Variants in BMP2K observed in about 807,000 individuals in gnomAD.
BMP2K encodes the protein BMP2 inducible kinase.
Under a neutral mutation model 116.0 loss-of-function variants are expected in BMP2K, and 74 were observed. That is an observed-to-expected ratio of 0.64 (90% CI 0.53 to 0.77). The LOEUF is 0.77. Ranked by LOEUF, BMP2K falls within the 30% of genes least tolerant of loss-of-function variation. The pLI is 0.00. For missense variants in BMP2K, 1,365 were observed against 1,403.6 expected (o/e 0.97, Z 0.44); for synonymous variants, 486 against 502.5 (o/e 0.97, Z 0.44).
At position 78,833,567 on chromosome 4, in the gene BMP2K, T is replaced by G; in HGVS notation, c.298-15T>G. The G allele has an allele frequency of 6.5e-7, 1 of 1,534,654 alleles. No homozygotes were observed. The highest frequency in any genetic ancestry group is 8.8e-7 in the Non-Finnish European group (1 of 1,133,162). ...ATGTACATTTTCCAGTTTTCATTTT[T>G]TTTTTTCTTTCCAGAAAGAGCTATC... is the stretch of plus-strand genomic sequence containing the variant. On this transcript the variant is annotated splice_polypyrimidine_tract_variant and intron_variant, in intron 2 of 15. Transcript: ENST00000502613.
chr4:78,787,536 A>ATCTT (rs1324078561), intron 1 of BMP2K, among the ~76,000 whole-genome samples: 1 of 152,138 alleles, frequency 6.6e-6, no homozygotes, highest in African/African-American at 2.4e-5. Flanking sequence ...GATCTTAAGA[A>ATCTT]AACAGTTTTG....
chr4:78,872,873 G>C, intron 13 of BMP2K, 75 bp downstream of exon 13: 1 of 1,439,526 alleles, frequency 6.9e-7, no homozygotes, highest in South Asian at 1.2e-5. Context: ...CGGTCATTAA[G>C]TTCTCTTAAA....
intron 15 of BMP2K, among the ~76,000 whole-genome samples, chr4:78,892,716 TTTTTTGTTTCCCAGTGCA>T (rs1459222782): frequency 1.3e-5 from 2 of 152,222 alleles, no homozygotes; most frequent in Admixed American, 1.3e-4. Flanking sequence ...GGACACACAT[TTTTTTGTTTCCCAGTGCA>T]TACAAAAGTT....
At chr4:78,841,721 A>G (rs79092203) in intron 3 of BMP2K, among the ~76,000 whole-genome samples, 4,904 of 152,198 alleles carry the variant, frequency 0.032, 254 homozygotes, top group African/African-American at 0.11. Context: ...AGTTGTAAAG[A>G]AAGTCATACT....
rs745775212 is a variant in BMP2K at position 78,861,385 on chromosome 4, C to T, written c.988-4C>T. The T allele has an allele frequency of 6.3e-6, 10 of 1,576,012 alleles. No homozygotes were observed. The highest frequency in any genetic ancestry group is 5.6e-5 in the Admixed American group (3 of 53,218). ...ATGAGACGTTTTATTTTTTTTCTTC[C>T]AAGAATTCTTCTATTCCTTCAGCTC... On this transcript the variant is annotated splice_region_variant and splice_polypyrimidine_tract_variant and intron_variant, in intron 8 of 15. Transcript: ENST00000502613.
intron 7 of BMP2K, among the ~76,000 whole-genome samples, chr4:78,857,813 A>G (rs534384077): frequency 6.6e-6 from 1 of 151,962 alleles, no homozygotes; most frequent in Non-Finnish European, 1.5e-5. Flanking sequence ...TTTCCTTAGC[A>G]CCTGATTTGT....
At chr4:78,791,881 T>C (rs1237850146) in intron 1 of BMP2K, among the ~76,000 whole-genome samples, 1 of 152,246 alleles carries the variant, frequency 6.6e-6, no homozygotes, top group African/African-American at 2.4e-5. Flanking sequence ...TTGGCTGTTG[T>C]GAATAATGCT....
intron 2 of BMP2K, among the ~76,000 whole-genome samples, chr4:78,829,853 T>TTTTTC (rs1219137904): frequency 1.0e-4 from 15 of 150,188 alleles, no homozygotes; most frequent in South Asian, 8.5e-4. Context: ...TTCTCTTCTT[T>TTTTTC]TTTTCTTTTC....
chr4:78,842,924 A>G (rs1730829869), intron 4 of BMP2K, among the ~76,000 whole-genome samples: 1 of 152,016 alleles, frequency 6.6e-6, no homozygotes, highest in Non-Finnish European at 1.5e-5. Context: ...CTCAAGAGAT[A>G]CTGGAGGAGA....
At chr4:78,808,189 G>A (rs1364608762) in intron 1 of BMP2K, among the ~76,000 whole-genome samples, 1 of 151,498 alleles carries the variant, frequency 6.6e-6, no homozygotes, top group African/African-American at 2.4e-5. Flanking sequence ...CGCGTAGCTG[G>A]GACTACAGGT....
At position 78,776,614 on chromosome 4, in the gene BMP2K, G is replaced by GCGGGGCCGGGGC; in HGVS notation, c.81_92dup (p.Ala28_Gly31dup). The GCGGGGCCGGGGC allele has an allele frequency of 8.3e-7, 1 of 1,199,704 alleles. No homozygotes were observed. Among genetic ancestry groups the GCGGGGCCGGGGC allele is most frequent in the African/African-American group, 1.6e-5 (1 of 62,842 alleles). The allele number at this position is 1,199,704 out of a possible 1,614,324, so 74.3% of individuals were successfully genotyped here. A position where few individuals can be genotyped will look rare whatever the true frequency, so the allele number is the denominator to read the frequency against. On this transcript the variant is annotated inframe_insertion, in exon 1 of 16. Transcript: ENST00000502613. ...GGCGGAGCGGCGGGTGGCGGGGCTG[G>GCGGGGCCGGGGC]CGGGGCCGGGGCCGGGGCCGGCTGC...
At chr4:78,890,573 C>G (rs948921229) in intron 15 of BMP2K, among the ~76,000 whole-genome samples, 18 of 152,044 alleles carry the variant, frequency 1.2e-4, no homozygotes, top group Non-Finnish European at 2.6e-4. Context: ...CTTTGTTTTT[C>G]CTGGAGTTAA....
intron 1 of BMP2K, among the ~76,000 whole-genome samples, chr4:78,797,538 G>A (rs1270342245): frequency 6.6e-6 from 1 of 152,142 alleles, no homozygotes; most frequent in East Asian, 1.9e-4. Flanking sequence ...TAATTCGGTA[G>A]TATTGGGATT....
chr4:78,810,721 AAGGCTATCATGG>A (rs1438106128), intron 1 of BMP2K, among the ~76,000 whole-genome samples: 3 of 152,176 alleles, frequency 2.0e-5, no homozygotes, highest in Non-Finnish European at 4.4e-5. Flanking sequence ...GTATGGCTTG[AAGGCTATCATGG>A]AGCTGGAGAG....
intron 15 of BMP2K, among the ~76,000 whole-genome samples, chr4:78,888,747 G>A (rs1448036058): frequency 6.6e-6 from 1 of 150,678 alleles, no homozygotes; most frequent in East Asian, 1.9e-4. Flanking sequence ...GTTTACTATG[G>A]GTATTTATAT....
intron 1 of BMP2K, among the ~76,000 whole-genome samples, chr4:78,778,453 A>G (rs1429397630): frequency 6.6e-6 from 1 of 152,256 alleles, no homozygotes; most frequent in Non-Finnish European, 1.5e-5. Flanking sequence ...CCATAAATGT[A>G]TCATTTCTCT....
In BMP2K at chr4:78,911,093, A is replaced by G. The variant is rs764890177; in HGVS notation, c.2546A>G (p.Glu849Gly). 8.7e-6 allele frequency: 14 copies of G among 1,613,988 alleles called. No individual in the cohort carries two copies. The East Asian group carries it at 2.9e-4, about 33-fold the overall frequency. The change falls in exon 16 of 16, where the codon GAG becomes GGG. Residue 849 changes from glutamate (E) to glycine (G), a missense_variant. By Grantham distance (98) the Glu-to-Gly change is moderately conservative. This residue lies in a region of BMP2K where 596 missense variants were observed against 623.2 expected (regional missense o/e 0.96). Coordinates refer to ENST00000502613, the MANE Select transcript of BMP2K (RefSeq NM_198892.2). The part of the protein sequence containing the change: ...SAQLSSDVAV[E>G]TPKQEFDVFG... ...CAATTATCCTCTGATGTTGCAGTGG[A>G]GACTCCCAAACAGGAGTTTGATGTA...
chr4:78,816,344 G>T (rs1258350570), intron 1 of BMP2K, among the ~76,000 whole-genome samples: 3 of 151,946 alleles, frequency 2.0e-5, no homozygotes, highest in Admixed American at 6.6e-5. Flanking sequence ...TTCATACTTG[G>T]GTACTATATG....
At chr4:78,899,032 A>C (rs1403210420) in intron 15 of BMP2K, 2 of 152,652 alleles carry the variant, frequency 1.3e-5, no homozygotes, top group East Asian at 3.9e-4. Context: ...TGCCTAAGGA[A>C]GGGTGAACTG....
Sources: gnomAD v4.1 joint callset for allele counts (sites outside exome capture counted in the v4.1 genomes callset) on GRCh38, gnomAD v4.1.1 for gene constraint, gnomAD v4.1.1 regional missense constraint, MANE v1.5 for transcripts, NCBI Gene and HGNC (gene_info 2026-07-23, HGNC 2026-07-21) for gene names.